Variants in TMTC4 observed in about 807,000 individuals in gnomAD.
TMTC4 encodes the protein protein O-mannosyl-transferase TMTC4.
A neutral mutation model predicts 86.0 loss-of-function variants in TMTC4; 65 were observed. That is an observed-to-expected ratio of 0.76 (90% CI 0.62 to 0.93). The LOEUF (loss-of-function observed/expected upper bound fraction) is 0.93. Among genes scored for constraint, TMTC4 ranks in the 40% least tolerant of loss-of-function variants. The pLI is 0.00. For synonymous variants in TMTC4, 379 were observed against 382.5 expected, an observed-to-expected ratio of 0.99 and a Z score of 0.11; for missense variants, 866 against 948.1, an observed-to-expected ratio of 0.91 and a Z score of 1.14.
chr13:100,641,669 T>G (rs1041392566), intron 7 of TMTC4, among the ~76,000 whole-genome samples: 1 of 152,168 alleles, frequency 6.6e-6, no homozygotes, highest in Non-Finnish European at 1.5e-5. Context: ...GTATTTTTAG[T>G]AGAGAAGGGG....
At chr13:100,663,230 G>A in intron 4 of TMTC4, 50 bp from the exon 5 acceptor site, 1 of 1,551,170 alleles carries the variant, frequency 6.4e-7, no homozygotes, top group Non-Finnish European at 8.9e-7. Context: ...CATGCGGCAA[G>A]AAATGGCAAA....
At chr13:100,615,421 G>A (rs1174693704) in intron 15 of TMTC4, among the ~76,000 whole-genome samples, 1 of 151,234 alleles carries the variant, frequency 6.6e-6, no homozygotes, top group Non-Finnish European at 1.5e-5. Flanking sequence ...GATTACAGGC[G>A]TGAGCCACCG....
chr13:100,628,322 G>A (rs1880854657), intron 12 of TMTC4, among the ~76,000 whole-genome samples: 1 of 152,206 alleles, frequency 6.6e-6, no homozygotes, highest in Non-Finnish European at 1.5e-5. Flanking sequence ...ACATGTGTCA[G>A]AATTTCCTTC....
chr13:100,664,758 T>C (rs377179519), intron 3 of TMTC4, among the ~76,000 whole-genome samples: 1 of 152,312 alleles, frequency 6.6e-6, no homozygotes, highest in African/African-American at 2.4e-5. Flanking sequence ...CCCATCCCTC[T>C]TCCATAGGCC....
At chr13:100,638,128 C>A in intron 7 of TMTC4, 106 bp from the exon 8 acceptor site, 2 of 802,226 alleles carry the variant, frequency 2.5e-6, no homozygotes, top group African/African-American at 3.4e-5. Flanking sequence ...AACACATAGA[C>A]TAGAGAATCA....
intron 12 of TMTC4, among the ~76,000 whole-genome samples, chr13:100,634,357 C>A (rs1300848437): frequency 6.6e-6 from 1 of 152,012 alleles, no homozygotes; most frequent in Admixed American, 6.6e-5. Context: ...TACATTATTG[C>A]CAATTTGTAG....
chr13:100,616,516 G>C (rs957296467), intron 15 of TMTC4, among the ~76,000 whole-genome samples: 7 of 152,228 alleles, frequency 4.6e-5, no homozygotes, highest in Admixed American at 1.3e-4. Flanking sequence ...TGTCTTTTTG[G>C]TGGAATGATT....
chr13:100,608,175 T>C (rs1445133084), intron 17 of TMTC4, among the ~76,000 whole-genome samples: 1 of 152,238 alleles, frequency 6.6e-6, no homozygotes, highest in Non-Finnish European at 1.5e-5. Context: ...ATTCATTTAT[T>C]CATTCAGCTA....
chr13:100,635,317 T>C, intron 10 of TMTC4, 122 bp from the exon 11 acceptor site: 1 of 1,125,284 alleles, frequency 8.9e-7, no homozygotes, highest in Non-Finnish European at 1.2e-6. Flanking sequence ...TGAGAAAAGA[T>C]ATTGTTGTCA....
At chr13:100,638,174 A>C (rs1594306302) in intron 7 of TMTC4, 152 bp from the exon 8 acceptor site, 1 of 565,860 alleles carries the variant, frequency 1.8e-6, no homozygotes. Context: ...AAAACACATA[A>C]CAGCCGTACG....
At chr13:100,666,188 T>C (rs1027520457) in intron 3 of TMTC4, 8 of 381,022 alleles carry the variant, frequency 2.1e-5, no homozygotes, top group African/African-American at 4.2e-5. Context: ...CTAACTCCAC[T>C]GTCTCAAAGA....
intron 15 of TMTC4, 68 bp from the exon 16 acceptor site, chr13:100,614,498 A>T (rs1433882443): frequency 4.8e-5 from 12 of 248,776 alleles, no homozygotes; most frequent in South Asian, 4.1e-4. Flanking sequence ...AGACATTATT[A>T]AAAAAAAAAA....
chr13:100,618,946 C>G (rs548801052), intron 15 of TMTC4, among the ~76,000 whole-genome samples: 14 of 152,224 alleles, frequency 9.2e-5, no homozygotes, highest in East Asian at 5.8e-4. Context: ...ACCTTTCCCC[C>G]CTTTCTATTC....
chr13:100,630,067 A>G (rs74118113), intron 12 of TMTC4, among the ~76,000 whole-genome samples: 47 of 120,352 alleles, frequency 3.9e-4, no homozygotes, highest in Middle Eastern at 4.0e-3. Flanking sequence ...GTGTGTGTGT[A>G]TGTGTGTGTG....
At chr13:100,624,208 C>T (rs1007702776) in intron 15 of TMTC4, among the ~76,000 whole-genome samples, 8 of 151,898 alleles carry the variant, frequency 5.3e-5, no homozygotes, top group African/African-American at 1.9e-4. Flanking sequence ...CGCCTATAGT[C>T]CCAGCTACTC....
In TMTC4 at chr13:100,634,880, C is replaced by A. The variant is rs74397712; in HGVS notation, c.1431G>T (p.Val477=). The A allele has an allele frequency of 1.8e-5, 29 of 1,614,206 alleles. No homozygotes were observed. The East Asian group carries it at 5.8e-4, about 32-fold the overall frequency. ...CACTCCGCCACTCGCCGCTGCGCAG[C>A]ACACATCTCAGCGTGTTGATGAATA... The part of the protein sequence containing the change: ...GILFINTLRC[V]LRSGEWRSEE... Residue 477 remains valine, a synonymous_variant, in exon 12 of 19, where the codon GTG becomes GTT. Coordinates refer to ENST00000342624, the MANE Select transcript of TMTC4 (RefSeq NM_032813.5).
intron 6 of TMTC4, among the ~76,000 whole-genome samples, chr13:100,643,440 C>G (rs1172624882): frequency 6.6e-6 from 1 of 152,166 alleles, no homozygotes; most frequent in Non-Finnish European, 1.5e-5. Context: ...GCAACGTTAC[C>G]GACCTCAGGA....
At chr13:100,608,598 G>A (rs772907465) in intron 17 of TMTC4, among the ~76,000 whole-genome samples, 1 of 152,146 alleles carries the variant, frequency 6.6e-6, no homozygotes, top group Non-Finnish European at 1.5e-5. Context: ...GGGGTTGGAG[G>A]GGCCTCTTTA....
intron 15 of TMTC4, among the ~76,000 whole-genome samples, chr13:100,622,771 T>C (rs1335725728): frequency 2.0e-5 from 3 of 152,134 alleles, no homozygotes; most frequent in Non-Finnish European, 4.4e-5. Flanking sequence ...AGTATTTCTT[T>C]TTTTTTAAAT....
Sources: allele counts gnomAD v4.1 joint callset (sites outside exome capture counted in the v4.1 genomes callset), GRCh38; gene constraint gnomAD v4.1.1; transcripts MANE v1.5; gene names NCBI Gene and HGNC (gene_info 2026-07-23, HGNC 2026-07-21).